Variants in KLF12 observed in about 807,000 individuals in gnomAD.
KLF12 encodes the protein KLF transcription factor 12.
Under a neutral mutation model 37.8 loss-of-function variants are expected in KLF12, and 9 were observed. The observed-to-expected ratio is 0.24, with a 90% CI of 0.14 to 0.42. The LOEUF is 0.42. Ranked by LOEUF, KLF12 falls within the 10% of genes least tolerant of loss-of-function variation. The pLI is 1.00. For missense variants in KLF12, 411 were observed against 516.0 expected (o/e 0.80, Z 1.97); for synonymous variants, 208 against 202.1 (o/e 1.03, Z -0.25).
Position 73,695,231 on chromosome 13 carries a change from C to T in KLF12, c.*259G>A, listed in dbSNP as rs1874054331. On this transcript the variant is annotated 3_prime_UTR_variant, in exon 8 of 8. Transcript: ENST00000377669. ...AAACATCTTTAAATGGCAGAGGACA[C>T]AGCACGGAAAACAATGCCTGTCTCT... 2.2e-6 allele frequency: 1 copy of T among 447,668 alleles called. No individual in the cohort carries two copies. The highest frequency in any genetic ancestry group is 4.0e-6 in the Non-Finnish European group (1 of 249,222). The allele number at this position is 447,668 out of a possible 1,614,324, so 27.7% of individuals were successfully genotyped here.
the KLF12 span, among the ~76,000 whole-genome samples, chr13:74,168,258 C>G: frequency 3.3e-5 from 5 of 152,282 alleles, no homozygotes; most frequent in East Asian, 9.6e-4. Flanking sequence ...CACAGGGGAC[C>G]CAATATGCAC....
intron 7 of KLF12, among the ~76,000 whole-genome samples, chr13:73,706,123 C>T (rs747299421): frequency 5.3e-5 from 8 of 152,116 alleles, no homozygotes; most frequent in Non-Finnish European, 1.0e-4. Flanking sequence ...CTGTACTCCT[C>T]TAGCCTGGCG....
chr13:73,970,039 A>C (rs1305907540), intron 2 of KLF12, among the ~76,000 whole-genome samples: 1 of 152,122 alleles, frequency 6.6e-6, no homozygotes, highest in African/African-American at 2.4e-5. Flanking sequence ...TCCTCATGCC[A>C]GTGGTACAAG....
intron 6 of KLF12, among the ~76,000 whole-genome samples, chr13:73,733,838 A>G (rs1877249576): frequency 6.6e-6 from 1 of 152,134 alleles, no homozygotes; most frequent in African/African-American, 2.4e-5. Flanking sequence ...TTTCCTCTTT[A>G]TTAATAGCCA....
the KLF12 span, among the ~76,000 whole-genome samples, chr13:74,164,468 A>G: frequency 6.6e-6 from 1 of 152,214 alleles, no homozygotes; most frequent in East Asian, 1.9e-4. Context: ...ACAACTGGTC[A>G]TGCTTAATGT....
chr13:74,187,561 A>G, the KLF12 span, among the ~76,000 whole-genome samples: 2 of 152,148 alleles, frequency 1.3e-5, no homozygotes, highest in Non-Finnish European at 2.9e-5. Context: ...GGAAGCTTAT[A>G]TAGAGTGATT....
chr13:73,710,719 T>G (rs1343738023), intron 7 of KLF12, among the ~76,000 whole-genome samples: 1 of 119,918 alleles, frequency 8.3e-6, no homozygotes, highest in African/African-American at 3.8e-5. Flanking sequence ...CTCCCTCTTC[T>G]TGAGCCCCCC....
At chr13:74,114,463 T>G (rs980476940) in intron 1 of KLF12, among the ~76,000 whole-genome samples, 9 of 152,310 alleles carry the variant, frequency 5.9e-5, no homozygotes, top group African/African-American at 2.2e-4. Context: ...TGCTTTATTG[T>G]AGTGGTCTAG....
chr13:73,792,553 G>A (rs1881749597), intron 5 of KLF12, among the ~76,000 whole-genome samples: 2 of 151,990 alleles, frequency 1.3e-5, no homozygotes, highest in African/African-American at 2.4e-5. Flanking sequence ...TCACAGGGTG[G>A]AAAAGTACTA....
chr13:74,172,054 G>A, the KLF12 span, among the ~76,000 whole-genome samples: 1 of 151,734 alleles, frequency 6.6e-6, no homozygotes, highest in Admixed American at 6.6e-5. Flanking sequence ...ATTGACCCCA[G>A]CCAAATGGCT....
chr13:73,794,281 C>T (rs530894994), intron 5 of KLF12, among the ~76,000 whole-genome samples: 9 of 152,216 alleles, frequency 5.9e-5, no homozygotes, highest in African/African-American at 1.9e-4. Context: ...GCCAACATGG[C>T]GAAACCCTGT....
the KLF12 span, among the ~76,000 whole-genome samples, chr13:74,186,601 G>A: frequency 6.6e-6 from 1 of 152,210 alleles, no homozygotes; most frequent in Non-Finnish European, 1.5e-5. Context: ...GATAGCAGCT[G>A]TGTAACATCC....
intron 5 of KLF12, among the ~76,000 whole-genome samples, chr13:73,778,826 T>C (rs1197805462): frequency 6.6e-6 from 1 of 152,184 alleles, no homozygotes; most frequent in East Asian, 1.9e-4. Context: ...GGGACTACCA[T>C]GCCACACTCT....
At chr13:74,113,326 G>A (rs906813017) in intron 1 of KLF12, among the ~76,000 whole-genome samples, 4 of 152,188 alleles carry the variant, frequency 2.6e-5, no homozygotes, top group Admixed American at 6.5e-5. Flanking sequence ...GCAACCTATC[G>A]CAAGAAGACG....
At chr13:73,851,480 C>T (rs1450973385) in intron 3 of KLF12, among the ~76,000 whole-genome samples, 1 of 152,114 alleles carries the variant, frequency 6.6e-6, no homozygotes, top group Non-Finnish European at 1.5e-5. Flanking sequence ...ACAGGAAGAT[C>T]ATGTAACAGT....
intron 6 of KLF12, among the ~76,000 whole-genome samples, chr13:73,729,773 G>C (rs1023998853): frequency 2.0e-5 from 3 of 151,814 alleles, no homozygotes; most frequent in Admixed American, 6.6e-5. Flanking sequence ...CTTAACAGTA[G>C]TGACTCAATA....
At chr13:73,913,119 T>A (rs1888652932) in intron 3 of KLF12, among the ~76,000 whole-genome samples, 1 of 152,184 alleles carries the variant, frequency 6.6e-6, no homozygotes, top group Non-Finnish European at 1.5e-5. Context: ...AGGCACAGTG[T>A]TTCTGTTTCT....
the KLF12 span, among the ~76,000 whole-genome samples, chr13:74,183,650 A>G: frequency 6.6e-6 from 1 of 152,202 alleles, no homozygotes; most frequent in African/African-American, 2.4e-5. Context: ...AAAGATTCTC[A>G]GAAGCTGGGT....
chr13:73,754,167 G>C (rs1280547650), intron 6 of KLF12, among the ~76,000 whole-genome samples: 1 of 152,144 alleles, frequency 6.6e-6, no homozygotes, highest in Non-Finnish European at 1.5e-5. Context: ...GTCCTGAAAA[G>C]AGAGAGTAGC....
Sources: gnomAD v4.1 joint callset for allele counts (sites outside exome capture counted in the v4.1 genomes callset) on GRCh38, gnomAD v4.1.1 for gene constraint, MANE v1.5 for transcripts, NCBI Gene and HGNC (gene_info 2026-07-23, HGNC 2026-07-21) for gene names.